Variants in MBTD1 observed in about 807,000 individuals in gnomAD.
MBTD1 encodes the protein mbt domain containing 1.
A neutral mutation model predicts 87.8 loss-of-function variants in MBTD1; 24 were observed. That is an observed-to-expected ratio of 0.27 (90% CI 0.20 to 0.38). The LOEUF is 0.38. Among genes scored for constraint, MBTD1 ranks in the 10% least tolerant of loss-of-function variants. The pLI, the probability that MBTD1 is intolerant of heterozygous loss-of-function variation, is 1.00. For synonymous variants in MBTD1, 237 were observed against 248.6 expected, an observed-to-expected ratio of 0.95 and a Z score of 0.44; for missense variants, 436 against 760.2, an observed-to-expected ratio of 0.57 and a Z score of 5.02.
At chr17:51,242,721 A>G (rs1307506113) in intron 2 of MBTD1, among the ~76,000 whole-genome samples, 3 of 152,208 alleles carry the variant, frequency 2.0e-5, no homozygotes, top group Non-Finnish European at 2.9e-5. Flanking sequence ...CCACCCTGTT[A>G]AGCGGGTAAC....
chr17:51,201,241 G>A (rs2051474292), intron 12 of MBTD1, among the ~76,000 whole-genome samples: 1 of 152,002 alleles, frequency 6.6e-6, no homozygotes, highest in African/African-American at 2.4e-5. Context: ...ACTACCAAAA[G>A]GAAGAAAAAG....
Position 51,242,834 on chromosome 17 carries a change from A to C in MBTD1, c.-49+16309T>G, listed in dbSNP as rs889582117. Among the ~76,000 whole-genome samples the C allele has an allele frequency of 3.9e-5, 6 of 152,196 alleles. No homozygotes were observed. In the East Asian group the frequency reaches 9.6e-4, roughly 24 times the overall value. On this transcript the variant is annotated intron_variant, in intron 2 of 16. Coordinates refer to ENST00000586178, the MANE Select transcript of MBTD1 (RefSeq NM_017643.3). ...GTTTTCTTATTTCCATTTCCTTCACAAAAGTCACATACTATATTCCTCTCT... is the reference window on the plus strand; with the variant it reads ...GTTTTCTTATTTCCATTTCCTTCACCAAAGTCACATACTATATTCCTCTCT...
intron 15 of MBTD1, 142 bp downstream of exon 15, chr17:51,192,640 T>C: frequency 1.4e-6 from 2 of 1,428,552 alleles, no homozygotes; most frequent in Non-Finnish European, 1.9e-6. Flanking sequence ...ATATTGTTGT[T>C]GAGTCTTAAT....
intron 6 of MBTD1, among the ~76,000 whole-genome samples, chr17:51,215,573 G>A (rs190591136): frequency 4.3e-4 from 66 of 152,240 alleles, no homozygotes; most frequent in Middle Eastern, 3.4e-3. Context: ...AATTCTGAGC[G>A]TCAAGAAAGC....
chr17:51,220,721 G>C (rs1194698978), intron 3 of MBTD1, among the ~76,000 whole-genome samples: 1 of 152,182 alleles, frequency 6.6e-6, no homozygotes, highest in Non-Finnish European at 1.5e-5. Flanking sequence ...AGGGTCAACA[G>C]AAACAGGGCA....
chr17:51,256,395 G>A (rs559790861), intron 2 of MBTD1: 1 of 152,316 alleles, frequency 6.6e-6, no homozygotes, highest in African/African-American at 2.4e-5. Flanking sequence ...GTGCTAAAGT[G>A]AGAACTCGAA....
At chr17:51,199,726 A>G (rs1176313050) in intron 12 of MBTD1, among the ~76,000 whole-genome samples, 1 of 152,086 alleles carries the variant, frequency 6.6e-6, no homozygotes, top group Non-Finnish European at 1.5e-5. Context: ...CATTCTGATC[A>G]CTAGTGAGGA....
intron 6 of MBTD1, among the ~76,000 whole-genome samples, chr17:51,214,783 CT>C (rs1490230887): frequency 6.6e-6 from 1 of 152,068 alleles, no homozygotes; most frequent in Non-Finnish European, 1.5e-5. Context: ...ACAAAGAGGC[CT>C]TCCTGACTAA....
In MBTD1 at chr17:51,179,482, T is replaced by TTATATATATATATATATATATATA. The variant is rs1491325264; in HGVS notation, c.*1093_*1094insTATATATATATATATATATATATA. The TTATATATATATATATATATATATA allele has an allele frequency of 0.01, 316 of 31,586 alleles. 15 individuals carry two copies. Among genetic ancestry groups the TTATATATATATATATATATATATA allele is most frequent in the South Asian group, 0.015 (17 of 1,104 alleles). The allele number at this position is 31,586 out of a possible 1,614,324, so 2.0% of individuals were successfully genotyped here. A position where few individuals can be genotyped will look rare whatever the true frequency, so the allele number is the denominator to read the frequency against. Reference sequence around the variant, plus strand: ...AAATCCTGAATACAATTAAAGACAATTTTATATATATATATATATATATAT... The same window carrying TTATATATATATATATATATATATA: ...AAATCCTGAATACAATTAAAGACAATTATATATATATATATATATATATATTTATATATATATATATATATATAT... On this transcript the variant is annotated 3_prime_UTR_variant, in exon 17 of 17. Coordinates refer to ENST00000586178, the MANE Select transcript of MBTD1 (RefSeq NM_017643.3).
At chr17:51,254,081 A>T (rs1051109861) in intron 2 of MBTD1, among the ~76,000 whole-genome samples, 2 of 152,170 alleles carry the variant, frequency 1.3e-5, no homozygotes, top group Non-Finnish European at 2.9e-5. Flanking sequence ...ATAATTTTCA[A>T]ATTTTTATAT....
In MBTD1 at chr17:51,192,030, G is replaced by T. The variant is rs2050842215; in HGVS notation, c.1768+173C>A. On this transcript the variant is annotated intron_variant, in intron 16 of 16. Transcript: ENST00000586178. ...AATTTCTCCTGTTAGTAAAATATCA[G>T]TGTTTCTCATTATTGCAAGGGTTTG... is the stretch of plus-strand genomic sequence containing the variant. 25 of 607,810 alleles carry T rather than the reference G, an allele frequency of 4.1e-5. 1 individual carries two copies. The South Asian group carries it at 5.1e-4, about 12-fold the overall frequency. The allele number at this position is 607,810 out of a possible 1,614,324, so 37.7% of individuals were successfully genotyped here. A position where few individuals can be genotyped will look rare whatever the true frequency, so the allele number is the denominator to read the frequency against.
intron 2 of MBTD1, among the ~76,000 whole-genome samples, chr17:51,243,037 T>A (rs2054241585): frequency 6.6e-6 from 1 of 152,198 alleles, no homozygotes; most frequent in African/African-American, 2.4e-5. Flanking sequence ...AGCGAACTTA[T>A]GTATCTGTGT....
At chr17:51,209,074 C>T (rs371449817) in intron 6 of MBTD1, among the ~76,000 whole-genome samples, 48 of 152,318 alleles carry the variant, frequency 3.2e-4, no homozygotes, top group Middle Eastern at 3.4e-3. Flanking sequence ...AAGAGCACCA[C>T]GGTCATAGCA....
intron 2 of MBTD1, among the ~76,000 whole-genome samples, chr17:51,228,762 T>C (rs1379043920): frequency 1.3e-5 from 2 of 151,198 alleles, no homozygotes; most frequent in Non-Finnish European, 2.9e-5. Flanking sequence ...CCGGGAGCAG[T>C]GGTAGGCGCC....
In MBTD1 at chr17:51,203,133, T is replaced by C; in HGVS notation, c.828+7A>G. 6.3e-7 allele frequency: 1 copy of C among 1,595,434 alleles called. No individual in the cohort carries two copies. The highest frequency in any genetic ancestry group is 8.5e-7 in the Non-Finnish European group (1 of 1,172,968). On this transcript the variant is annotated splice_region_variant and intron_variant, in intron 9 of 16. Coordinates refer to ENST00000586178, the MANE Select transcript of MBTD1 (RefSeq NM_017643.3). The stretch of plus-strand genomic sequence containing the variant: ...CTCTTCAGTCTTTATAAGATCCTGT[T>C]TTTTACCTTTTGGGAGAAATCAGGA...
chr17:51,198,016 C>T (rs928692358), intron 12 of MBTD1, among the ~76,000 whole-genome samples: 32 of 152,142 alleles, frequency 2.1e-4, no homozygotes, highest in Non-Finnish European at 8.8e-5. Context: ...ACCAGTGATT[C>T]CTAAAGTTTT....
intron 13 of MBTD1, among the ~76,000 whole-genome samples, chr17:51,194,416 A>C (rs1054105229): frequency 6.6e-6 from 1 of 152,022 alleles, no homozygotes; most frequent in African/African-American, 2.4e-5. Context: ...CTAAAAATAG[A>C]AAAATCAGCT....
At chr17:51,226,588 A>G (rs921395013) in intron 2 of MBTD1, among the ~76,000 whole-genome samples, 4 of 152,054 alleles carry the variant, frequency 2.6e-5, no homozygotes, top group African/African-American at 7.2e-5. Context: ...CTCTAAAACT[A>G]AACTTCTAGA....
intron 16 of MBTD1, among the ~76,000 whole-genome samples, chr17:51,182,558 G>C (rs1598270885): frequency 6.6e-6 from 1 of 152,168 alleles, no homozygotes; most frequent in South Asian, 2.1e-4. Flanking sequence ...TGATCAATGG[G>C]AACTGACTGG....
Sources: allele counts gnomAD v4.1 joint callset (sites outside exome capture counted in the v4.1 genomes callset), GRCh38; gene constraint gnomAD v4.1.1; transcripts MANE v1.5; gene names NCBI Gene and HGNC (gene_info 2026-07-23, HGNC 2026-07-21).